COL4A3: variants seen among roughly 807,000 people sequenced by gnomAD.
COL4A3 encodes the protein collagen alpha-3(IV) chain.
Under a neutral mutation model 217.4 loss-of-function variants are expected in COL4A3, and 135 were observed. The ratio of observed to expected loss-of-function variants is 0.62; its 90% confidence interval spans 0.54 to 0.72. The LOEUF is 0.72. Ranked by LOEUF, COL4A3 falls within the 30% of genes least tolerant of loss-of-function variation. The pLI is 0.00. For missense variants in COL4A3, 1,868 were observed against 2,119.9 expected (o/e 0.88, Z 2.33); for synonymous variants, 690 against 736.3 (o/e 0.94, Z 1.02).
Position 227,254,259 on chromosome 2 carries a change from G to GT in COL4A3, c.828+96dup, listed in dbSNP as rs11412904. On this transcript the variant is annotated intron_variant, in intron 14 of 51. Transcript: ENST00000396578. Reference sequence around the variant, plus strand: ...TTTGATGTGTGTTTTGTCTTAAGTTGTTTTTTTTTTTAAAGAAAGTAAAGG... The same window carrying GT: ...TTTGATGTGTGTTTTGTCTTAAGTTGTTTTTTTTTTTTAAAGAAAGTAAAGG... 0.065 allele frequency: 60,384 copies of GT among 932,386 alleles called. 354 individuals are homozygous for GT. Among genetic ancestry groups the GT allele is most frequent in the Middle Eastern group, 0.13 (522 of 4,162 alleles). The allele number at this position is 932,386 out of a possible 1,614,324, so 57.8% of individuals were successfully genotyped here.
chr2:227,229,099 T>G (rs1392837321), intron 1 of COL4A3, among the ~76,000 whole-genome samples: 4 of 152,122 alleles, frequency 2.6e-5, no homozygotes, highest in Non-Finnish European at 5.9e-5. Context: ...ACTGGTGCCC[T>G]TCACCCTGTA....
rs76747327 is a variant in COL4A3, at chr2:227,181,128, A to G, written c.87+16315A>G. On this transcript the variant is annotated intron_variant, in intron 1 of 51. Coordinates refer to ENST00000396578, the MANE Select transcript of COL4A3 (RefSeq NM_000091.5). ...TACCTCAATGAAAATACCTGTTAAT[A>G]GAGAAAAAATACCTGGTATAGAGAT... 3.4e-3 allele frequency among the ~76,000 whole-genome samples: 515 copies of G among 152,316 alleles called. 8 individuals are homozygous for G. Among genetic ancestry groups the G allele is most frequent in the East Asian group, 0.027 (140 of 5,190 alleles).
At chr2:227,193,790 AAGG>A (rs2066346020) in intron 1 of COL4A3, among the ~76,000 whole-genome samples, 2 of 32,966 alleles carry the variant, frequency 6.1e-5, no homozygotes, top group African/African-American at 2.0e-4. Flanking sequence ...GGAAGGAAGG[AAGG>A]AAGGAAGGGG....
chr2:227,253,726 GT>G lies in COL4A3; in HGVS notation c.765+90del. 8.6e-7 allele frequency: 1 copy of G among 1,157,500 alleles called. No individual in the cohort carries two copies. The highest frequency in any genetic ancestry group is 1.2e-5 in the South Asian group (1 of 81,842). The allele number at this position is 1,157,500 out of a possible 1,614,324, so 71.7% of individuals were successfully genotyped here. The stretch of plus-strand genomic sequence containing the variant: ...CCCTGCACCTCTTTTACAAGCTCTT[GT>G]TATCTAAGTCCAGCTCAGCCCAGCT... On this transcript the variant is annotated intron_variant, in intron 13 of 51. Transcript: ENST00000396578. This position sits in a 1 kb window ranked among gnomAD's most constrained non-coding sequence, Gnocchi z 4.4.
intron 48 of COL4A3, among the ~76,000 whole-genome samples, 186 bp from the exon 49 acceptor site, chr2:227,308,713 G>C (rs541722171): frequency 6.6e-6 from 1 of 152,352 alleles, no homozygotes; most frequent in Non-Finnish European, 1.5e-5. Flanking sequence ...AGATTTGTTT[G>C]CCTATTGGAT....
chr2:227,240,564 C>T (rs768398500), intron 3 of COL4A3, among the ~76,000 whole-genome samples: 5 of 152,214 alleles, frequency 3.3e-5, no homozygotes, highest in Non-Finnish European at 7.3e-5. Context: ...GTCCAACCAC[C>T]TGTGCCCCAT....
chr2:227,249,222 A>T (rs1456541402), intron 9 of COL4A3, among the ~76,000 whole-genome samples: 7 of 24,280 alleles, frequency 2.9e-4, no homozygotes, highest in Admixed American at 6.8e-4. Context: ...GTATATATAT[A>T]TATATATATT....
chr2:227,220,434 C>T (rs1405088669), intron 1 of COL4A3, among the ~76,000 whole-genome samples: 4 of 151,912 alleles, frequency 2.6e-5, no homozygotes, highest in South Asian at 2.1e-4. Context: ...CCACCCGCCT[C>T]GGCCTCCCAA....
intron 1 of COL4A3, chr2:227,227,788 G>A (rs1382859937): frequency 6.6e-6 from 1 of 152,144 alleles, no homozygotes; most frequent in Non-Finnish European, 1.5e-5. Flanking sequence ...TTACAGTGCT[G>A]ATGGAAGTTC....
At position 227,254,099 on chromosome 2, in the gene COL4A3, G is replaced by A. The variant is rs77431913; in HGVS notation, c.766-13G>A. On this transcript the variant is annotated splice_polypyrimidine_tract_variant and intron_variant, in intron 13 of 51. Coordinates refer to ENST00000396578, the MANE Select transcript of COL4A3 (RefSeq NM_000091.5). ...CATCCATTTGTAACAATGTTGAACT[G>A]TTTCTTTGGCAGGACCTCAAGGGGG... is the stretch of plus-strand genomic sequence containing the variant. The A allele has an allele frequency of 0.012, 19,914 of 1,612,466 alleles. 915 individuals are homozygous for A. In the East Asian group the frequency reaches 0.17, roughly 14 times the overall value.
chr2:227,282,243 G>C lies in COL4A3; in HGVS notation c.2489-122G>C. 1 of 411,996 alleles carries C rather than the reference G, an allele frequency of 2.4e-6. No individual in the cohort carries two copies. The highest frequency in any genetic ancestry group is 3.7e-6 in the Non-Finnish European group (1 of 272,838). 25.5% of individuals were successfully genotyped at this position (411,996 alleles called of 1,614,324 possible). Reference sequence around the variant, plus strand: ...GCCGAAATCGCCCCACTGCAATCCAGCCTAGAAGACAGAGGGAGATTCCAT... The same window carrying C: ...GCCGAAATCGCCCCACTGCAATCCACCCTAGAAGACAGAGGGAGATTCCAT... On this transcript the variant is annotated intron_variant, in intron 31 of 51. Transcript: ENST00000396578. The surrounding 1 kb of genome is among the most constrained non-coding windows in gnomAD (Gnocchi z 4.4).
intron 1 of COL4A3, among the ~76,000 whole-genome samples, chr2:227,213,709 C>T (rs1343318284): frequency 6.6e-6 from 1 of 152,044 alleles, no homozygotes; most frequent in Non-Finnish European, 1.5e-5. Context: ...CAAGACCAGC[C>T]TGGTCAACAT....
intron 2 of COL4A3, 23 bp from the exon 3 acceptor site, chr2:227,240,120 T>C (rs1470604408): frequency 1.3e-6 from 2 of 1,579,302 alleles, no homozygotes; most frequent in South Asian, 2.3e-5. Flanking sequence ...TGTGTGTTTC[T>C]CACCTCGTTT....
rs369088928 is a variant in COL4A3 at position 227,304,024 on chromosome 2, C to T, written c.4033C>T (p.Arg1345Cys). ...TCTTATGTTTATGTCAACAGGTGTA[C>T]GTGGAGACCCTGGCACACTTAAGAT... is the stretch of plus-strand genomic sequence containing the variant. ...PIGPKGPPGV[R>C]GDPGTLKIIS... The change falls in exon 46 of 52, where the codon CGT becomes TGT. Residue 1345 changes from arginine (R) to cysteine (C), a missense_variant. Physicochemically the swap from Arg to Cys is radical, Grantham distance 180. Around this residue, in one of 2 missense-constraint regions of COL4A3, gnomAD observed 1,503 missense variants for 1,786.1 expected, o/e 0.84. Coordinates refer to ENST00000396578, the MANE Select transcript of COL4A3 (RefSeq NM_000091.5). The T allele has an allele frequency of 3.8e-5, 61 of 1,614,038 alleles. No homozygotes were observed. The highest frequency in any genetic ancestry group is 3.5e-4 in the African/African-American group (26 of 74,938).
chr2:227,166,860 G>A (rs1393135825), intron 1 of COL4A3, among the ~76,000 whole-genome samples: 2 of 152,200 alleles, frequency 1.3e-5, no homozygotes, highest in Non-Finnish European at 2.9e-5. Flanking sequence ...CTGCTGTTGG[G>A]CAAGGCTGTT....
At chr2:227,215,110 T>G (rs1011136155) in intron 1 of COL4A3, among the ~76,000 whole-genome samples, 1 of 152,162 alleles carries the variant, frequency 6.6e-6, no homozygotes, top group Non-Finnish European at 1.5e-5. Flanking sequence ...GCATTTTTAT[T>G]TTTCATTTTG....
At chr2:227,240,497 A>G (rs181324993) in intron 3 of COL4A3, among the ~76,000 whole-genome samples, 3 of 151,752 alleles carry the variant, frequency 2.0e-5, no homozygotes, top group Non-Finnish European at 4.4e-5. Flanking sequence ...ATCTGTTCCT[A>G]CCTCTATTCC....
At chr2:227,279,532 C>A (rs1031319116) in intron 28 of COL4A3, 3 of 474,262 alleles carry the variant, frequency 6.3e-6, no homozygotes, top group African/African-American at 4.0e-5. Context: ...AAATGGTCAA[C>A]CAGCATCAGT....
chr2:227,200,864 T>A (rs1018805862), intron 1 of COL4A3, among the ~76,000 whole-genome samples: 2 of 152,208 alleles, frequency 1.3e-5, no homozygotes, highest in Admixed American at 1.3e-4. Flanking sequence ...CAATGAAATG[T>A]TCAATTACAA....
Sources: gnomAD v4.1 joint callset for allele counts (sites outside exome capture counted in the v4.1 genomes callset) on GRCh38, gnomAD v4.1.1 for gene constraint, gnomAD v4.1.1 regional missense constraint, Gnocchi (gnomAD v3.1) non-coding constraint, MANE v1.5 for transcripts, NCBI Gene and HGNC (gene_info 2026-07-23, HGNC 2026-07-21) for gene names.